CEMIP: variants seen among roughly 807,000 people sequenced by gnomAD.
CEMIP encodes the protein cell migration-inducing and hyaluronan-binding protein.
A neutral mutation model predicts 156.9 loss-of-function variants in CEMIP; 105 were observed. That is an observed-to-expected ratio of 0.67 (90% CI 0.57 to 0.79). CEMIP has a LOEUF of 0.79. CEMIP is among the 30% of genes least tolerant of loss of function. The probability of loss-of-function intolerance (pLI) is 0.00; values close to 1 mark genes in which losing one functional copy is unlikely to be tolerated. For synonymous variants in CEMIP, 676 were observed against 668.4 expected (o/e 1.01, Z -0.17); for missense variants, 1,457 against 1,769.4 (o/e 0.82, Z 3.17).
chr15:80,837,311 G>A (rs1897290461), intron 1 of CEMIP, among the ~76,000 whole-genome samples: 1 of 152,198 alleles, frequency 6.6e-6, no homozygotes, highest in Non-Finnish European at 1.5e-5. Context: ...ATGAACGAGA[G>A]AGATGGGAGG....
intron 1 of CEMIP, among the ~76,000 whole-genome samples, chr15:80,815,407 C>T (rs74677412): frequency 0.029 from 4,406 of 152,288 alleles, 209 homozygotes; most frequent in African/African-American, 0.099. Flanking sequence ...GTCATGAAAA[C>T]GAGGCCAAGA....
In CEMIP at chr15:80,937,952, G is replaced by A. The variant is rs1901196075; in HGVS notation, c.3380G>A (p.Ser1127Asn). 1.2e-6 allele frequency: 2 copies of A among 1,614,156 alleles called. No homozygotes were observed. The highest frequency in any genetic ancestry group is 1.7e-6 in the Non-Finnish European group (2 of 1,180,012). ...GTGGAGCAGAGCTACCCTGGCAGGA[G>A]CCACTACTACTGGGACGAGGACTCA... ...DKVEQSYPGR[S>N]HYYWDEDSGL... The change falls in exon 25 of 30, where the codon AGC becomes AAC. Residue 1127 changes from serine to asparagine, a missense_variant. This residue lies in a region of CEMIP where 798 missense variants were observed against 980.1 expected (regional missense o/e 0.81). Coordinates refer to ENST00000394685, the MANE Select transcript of CEMIP (RefSeq NM_001293298.2).
intron 3 of CEMIP, among the ~76,000 whole-genome samples, chr15:80,878,256 C>T (rs1477663826): frequency 6.6e-6 from 1 of 152,224 alleles, no homozygotes; most frequent in Non-Finnish European, 1.5e-5. Flanking sequence ...ATAATACTAT[C>T]TTTCTCAGGT....
At chr15:80,845,698 C>T (rs1185001662) in intron 1 of CEMIP, among the ~76,000 whole-genome samples, 2 of 152,168 alleles carry the variant, frequency 1.3e-5, no homozygotes, top group Admixed American at 1.3e-4. Flanking sequence ...GCATTCCAGC[C>T]TTTAACCTTC....
At chr15:80,806,310 A>G (rs1301787445) in intron 1 of CEMIP, among the ~76,000 whole-genome samples, 8 of 146,460 alleles carry the variant, frequency 5.5e-5, no homozygotes. Context: ...GCAGCACTTC[A>G]TTACAAGGGC....
At position 80,921,949 on chromosome 15, in the gene CEMIP, T is replaced by G. The variant is rs577256777; in HGVS notation, c.2074-60T>G. 2.2e-5 allele frequency: 35 copies of G among 1,611,256 alleles called. No homozygotes were observed. The African/African-American group carries it at 4.4e-4, about 20-fold the overall frequency. On this transcript the variant is annotated intron_variant, in intron 16 of 29. Transcript: ENST00000394685. ...TCCGGCGTGGGCCGCGTGGCCACCTTGCCCAGGAGCTCTCTGGGGCTGAAC... is the reference window on the plus strand; with the variant it reads ...TCCGGCGTGGGCCGCGTGGCCACCTGGCCCAGGAGCTCTCTGGGGCTGAAC...
At chr15:80,812,615 TCCC>T (rs1379323889) in intron 1 of CEMIP, among the ~76,000 whole-genome samples, 1 of 152,188 alleles carries the variant, frequency 6.6e-6, no homozygotes, top group Non-Finnish European at 1.5e-5. Flanking sequence ...CTGCAGTGAT[TCCC>T]AGGGACATTT....
At chr15:80,901,257 C>G (rs1000535214) in intron 12 of CEMIP, among the ~76,000 whole-genome samples, 1 of 152,178 alleles carries the variant, frequency 6.6e-6, no homozygotes, top group Non-Finnish European at 1.5e-5. Context: ...TTCACAACAA[C>G]CTAATACAGT....
rs2141944119 is a variant in CEMIP, at chr15:80,928,892, T to C, written c.2421-10T>C. The C allele has an allele frequency of 6.2e-7, 1 of 1,613,742 alleles. No homozygotes were observed. The highest frequency in any genetic ancestry group is 1.8e-4 in the Middle Eastern group (1 of 5,656). On this transcript the variant is annotated splice_polypyrimidine_tract_variant and intron_variant, in intron 19 of 29. Transcript: ENST00000394685. ...GCATGCTCTGACTATCTATCTGCTC[T>C]TGCCCACAGGTTTGCTGACAATGGC...
intron 13 of CEMIP, among the ~76,000 whole-genome samples, chr15:80,907,331 G>C (rs987198492): frequency 1.3e-5 from 2 of 152,278 alleles, no homozygotes; most frequent in African/African-American, 4.8e-5. Flanking sequence ...GGGGAGCCAA[G>C]GCGGGTGGAT....
chr15:80,927,667 G>A (rs1451346797), intron 19 of CEMIP, among the ~76,000 whole-genome samples: 1 of 152,070 alleles, frequency 6.6e-6, no homozygotes, highest in Non-Finnish European at 1.5e-5. Context: ...TGGCACCAAG[G>A]CTGTGGTCCT....
At chr15:80,820,759 C>A (rs1336631461) in intron 1 of CEMIP, among the ~76,000 whole-genome samples, 2 of 152,224 alleles carry the variant, frequency 1.3e-5, no homozygotes, top group Non-Finnish European at 2.9e-5. Flanking sequence ...CCTCAGTTTT[C>A]TCACCTATTA....
At chr15:80,907,072 C>T (rs1176349520) in intron 13 of CEMIP, among the ~76,000 whole-genome samples, 2 of 151,758 alleles carry the variant, frequency 1.3e-5, no homozygotes, top group African/African-American at 2.4e-5. Context: ...CAACAAACAG[C>T]TCTCTGCTCT....
At chr15:80,921,909 G>GCTACTAGA in intron 16 of CEMIP, 100 bp from the exon 17 acceptor site, 1 of 1,500,410 alleles carries the variant, frequency 6.7e-7, no homozygotes, top group Non-Finnish European at 9.3e-7. Context: ...GACGGCAGTA[G>GCTACTAGA]CTACTAGACC....
chr15:80,892,475 G>A (rs1005129455), intron 10 of CEMIP, among the ~76,000 whole-genome samples: 1 of 152,180 alleles, frequency 6.6e-6, no homozygotes, highest in Non-Finnish European at 1.5e-5. Context: ...TTCAAGGCCA[G>A]TGGGATCTAC....
chr15:80,898,831 AC>A (rs1183507676), intron 12 of CEMIP, among the ~76,000 whole-genome samples: 1 of 151,846 alleles, frequency 6.6e-6, no homozygotes, highest in Non-Finnish European at 1.5e-5. Context: ...CACTTCCCCC[AC>A]CCTTAGGCTG....
chr15:80,838,736 AT>A (rs1459429778), intron 1 of CEMIP, among the ~76,000 whole-genome samples: 10 of 152,134 alleles, frequency 6.6e-5, no homozygotes, highest in African/African-American at 2.4e-4. Flanking sequence ...GCTCTTTAAA[AT>A]TCATAGAGTA....
Position 80,919,689 on chromosome 15 carries a change from C to T in CEMIP, c.1798-405C>T, listed in dbSNP as rs143011207. On this transcript the variant is annotated intron_variant, in intron 14 of 29. Coordinates refer to ENST00000394685, the MANE Select transcript of CEMIP (RefSeq NM_001293298.2). ...AATTAGCTGGGTGTGGGGGCGTGTGCCTATAGTCCCAGCTACTCGGGAGGC... is the reference window on the plus strand; with the variant it reads ...AATTAGCTGGGTGTGGGGGCGTGTGTCTATAGTCCCAGCTACTCGGGAGGC... Among the ~76,000 whole-genome samples the T allele has an allele frequency of 7.3e-3, 1,108 of 152,210 alleles. 12 individuals are homozygous for T. The highest frequency in any genetic ancestry group is 0.025 in the African/African-American group (1,057 of 41,532).
At chr15:80,893,418 T>C (rs998072341) in intron 10 of CEMIP, among the ~76,000 whole-genome samples, 20 of 152,186 alleles carry the variant, frequency 1.3e-4, no homozygotes, top group Admixed American at 5.2e-4. Context: ...AACAGCAGAA[T>C]TGAGTAGATG....
Sources: gnomAD v4.1 joint callset for allele counts (sites outside exome capture counted in the v4.1 genomes callset) on GRCh38, gnomAD v4.1.1 for gene constraint, gnomAD v4.1.1 regional missense constraint, MANE v1.5 for transcripts, NCBI Gene and HGNC (gene_info 2026-07-23, HGNC 2026-07-21) for gene names.